Variants in GPHN observed in about 807,000 individuals in gnomAD.
GPHN encodes the protein gephyrin.
GPHN carries 17 observed loss-of-function variants against 95.5 expected under a neutral mutation model. That is an observed-to-expected ratio of 0.18 (90% CI 0.12 to 0.27). GPHN has a LOEUF of 0.27. GPHN is among the 10% of genes least tolerant of loss of function. The pLI, the probability that GPHN is intolerant of heterozygous loss-of-function variation, is 1.00. For missense variants in GPHN, 660 were observed against 978.1 expected, an observed-to-expected ratio of 0.67 and a Z score of 4.34; for synonymous variants, 320 against 322.5, an observed-to-expected ratio of 0.99 and a Z score of 0.08.
At chr14:67,323,232 C>CATGTGTGTATGT in the GPHN span, among the ~76,000 whole-genome samples, 11 of 143,592 alleles carry the variant, frequency 7.7e-5, no homozygotes, top group East Asian at 7.3e-4. Context: ...CATATATACA[C>CATGTGTGTATGT]GTGTGTGTGT....
At chr14:66,748,095 C>G (rs1399128743) in intron 2 of GPHN, among the ~76,000 whole-genome samples, 2 of 151,962 alleles carry the variant, frequency 1.3e-5, no homozygotes, top group Non-Finnish European at 2.9e-5. Context: ...TATCACTGCT[C>G]AAGCTATCAT....
chr14:67,067,927 C>T (rs545633973), intron 11 of GPHN, among the ~76,000 whole-genome samples: 3 of 152,354 alleles, frequency 2.0e-5, no homozygotes, highest in Admixed American at 6.5e-5. Flanking sequence ...GGTGACGCCC[C>T]GCCCTGCTTC....
intron 1 of GPHN, among the ~76,000 whole-genome samples, chr14:66,562,792 G>C (rs925744190): frequency 1.3e-5 from 2 of 152,108 alleles, no homozygotes; most frequent in Non-Finnish European, 2.9e-5. Flanking sequence ...TGTCTTTGGT[G>C]ATAAAGTATC....
At chr14:66,598,706 G>A (rs1006857870) in intron 1 of GPHN, among the ~76,000 whole-genome samples, 25 of 151,958 alleles carry the variant, frequency 1.6e-4, no homozygotes, top group African/African-American at 5.3e-4. Flanking sequence ...TTAGCTGGGC[G>A]TGGTGGCGCA....
At chr14:66,651,270 A>T (rs1224933115) in intron 1 of GPHN, among the ~76,000 whole-genome samples, 3 of 152,236 alleles carry the variant, frequency 2.0e-5, no homozygotes, top group Non-Finnish European at 2.9e-5. Context: ...AGAGAACTCG[A>T]TCTGTCGCTT....
the GPHN span, among the ~76,000 whole-genome samples, chr14:67,443,775 A>C: frequency 0.37 from 56,844 of 151,870 alleles, 11,014 homozygotes; most frequent in African/African-American, 0.45. Flanking sequence ...TCTCTAAAAA[A>C]TAAAAAGAAA....
the GPHN span, chr14:67,387,466 A>G: frequency 6.3e-7 from 1 of 1,597,202 alleles, no homozygotes; most frequent in Non-Finnish European, 8.5e-7. Flanking sequence ...CCTAGGCAGA[A>G]AAAAGGGGGA....
chr14:66,953,890 C>T (rs1457747356), intron 8 of GPHN, among the ~76,000 whole-genome samples: 3 of 152,080 alleles, frequency 2.0e-5, no homozygotes, highest in South Asian at 2.1e-4. Flanking sequence ...AAAAAATTAG[C>T]TGGGCATAGT....
intron 1 of GPHN, among the ~76,000 whole-genome samples, chr14:66,539,508 G>A (rs1365349342): frequency 2.8e-5 from 4 of 143,718 alleles, no homozygotes; most frequent in African/African-American, 8.0e-5. Context: ...TCCGCCTCCC[G>A]GGTTCAAGCG....
chr14:67,725,529 C>A, the GPHN span, among the ~76,000 whole-genome samples: 1 of 152,192 alleles, frequency 6.6e-6, no homozygotes, highest in East Asian at 1.9e-4. Flanking sequence ...GGCCACAATG[C>A]CACTCTCTTC....
At chr14:67,610,016 C>T in the GPHN span, among the ~76,000 whole-genome samples, 11 of 152,140 alleles carry the variant, frequency 7.2e-5, no homozygotes, top group South Asian at 2.1e-4. Flanking sequence ...GAAGGGCCAA[C>T]GGAGAAGGCA....
the GPHN span, among the ~76,000 whole-genome samples, chr14:67,410,387 A>C: frequency 6.6e-6 from 1 of 151,294 alleles, no homozygotes; most frequent in Non-Finnish European, 1.5e-5. Flanking sequence ...CCCAGCTCTC[A>C]CTCTCCCTCC....
intron 9 of GPHN, among the ~76,000 whole-genome samples, chr14:66,997,547 A>G (rs887445769): frequency 9.2e-5 from 14 of 152,138 alleles, no homozygotes; most frequent in Non-Finnish European, 1.8e-4. Context: ...TGTCATCCCA[A>G]AGAAAACCCT....
chr14:67,397,852 G>T, the GPHN span: 1 of 1,586,306 alleles, frequency 6.3e-7, no homozygotes, highest in Non-Finnish European at 8.6e-7. Flanking sequence ...AAAGCCCTGA[G>T]GTGAGGCGGT....
At chr14:67,134,905 C>A (rs1012119477) in intron 17 of GPHN, among the ~76,000 whole-genome samples, 3 of 119,734 alleles carry the variant, frequency 2.5e-5, no homozygotes, top group African/African-American at 6.2e-5. Context: ...CTTTATCTTT[C>A]CTTTCTCTCT....
the GPHN span, chr14:67,586,411 C>G: frequency 7.5e-7 from 1 of 1,338,302 alleles, no homozygotes; most frequent in South Asian, 1.2e-5. Context: ...ACGTGCTCTT[C>G]TCTTCCTTGC....
chr14:67,685,418 C>T, the GPHN span, among the ~76,000 whole-genome samples: 1 of 152,142 alleles, frequency 6.6e-6, no homozygotes, highest in African/African-American at 2.4e-5. Flanking sequence ...CTGTGTATTT[C>T]TGACTGGAAA....
At chr14:67,134,816 TTTTC>T (rs1045738878) in intron 17 of GPHN, among the ~76,000 whole-genome samples, 20 of 151,912 alleles carry the variant, frequency 1.3e-4, no homozygotes, top group South Asian at 4.2e-4. Flanking sequence ...CTACTTGTTA[TTTTC>T]TTTCTTTCTT....
At chr14:66,592,976 C>T (rs965414680) in intron 1 of GPHN, among the ~76,000 whole-genome samples, 34 of 152,108 alleles carry the variant, frequency 2.2e-4, no homozygotes, top group Admixed American at 6.5e-5. Context: ...GCCATAAAAA[C>T]GATGAGTTCA....
Sources: allele counts gnomAD v4.1 joint callset (sites outside exome capture counted in the v4.1 genomes callset), GRCh38; gene constraint gnomAD v4.1.1; transcripts MANE v1.5; gene names NCBI Gene and HGNC (gene_info 2026-07-23, HGNC 2026-07-21).